DNAH14: variants seen among roughly 807,000 people sequenced by gnomAD.
DNAH14 encodes the protein axonemal beta dynein heavy chain 14.
DNAH14 carries 478 observed loss-of-function variants against 520.9 expected under a neutral mutation model. That is an observed-to-expected ratio of 0.92 (90% confidence interval 0.85 to 0.99). The LOEUF (loss-of-function observed/expected upper bound fraction) is 0.99. DNAH14 is among the 50% of genes least tolerant of loss of function. DNAH14 has a pLI of 0.00. For missense variants in DNAH14, 4,831 were observed against 5,234.5 expected (o/e 0.92, Z 2.38); for synonymous variants, 1,581 against 1,757.2 (o/e 0.90, Z 2.51).
Position 225,007,433 on chromosome 1 carries a change from T to C in DNAH14, c.996T>C (p.Tyr332=). The stretch of plus-strand genomic sequence containing the variant: ...ATTAGCTGGATAGTTCTCGAACATA[T>C]TCTCTAGATGAATTTTGTGAAGAGC... ...CLVKLDSSRT[Y]SLDEFCEEQL... The change falls in exon 10 of 86, where the codon TAT becomes TAC. Residue 332 remains tyrosine (Y), a synonymous_variant. Coordinates refer to ENST00000682510, the MANE Select transcript of DNAH14 (RefSeq NM_001367479.1). 1 of 1,538,064 alleles carries C rather than the reference T, an allele frequency of 6.5e-7. No individual in the cohort carries two copies. The highest frequency in any genetic ancestry group is 8.8e-7 in the Non-Finnish European group (1 of 1,139,354).
Position 225,080,732 on chromosome 1 carries a change from C to G in DNAH14, c.3120C>G (p.Ile1040Met). The G allele has an allele frequency of 6.6e-7, 1 of 1,521,334 alleles. No individual in the cohort carries two copies. Among genetic ancestry groups the G allele is most frequent in the Non-Finnish European group, 8.8e-7 (1 of 1,133,298 alleles). 94.2% of individuals were successfully genotyped at this position (1,521,334 alleles called of 1,614,324 possible). A position where few individuals can be genotyped will look rare whatever the true frequency, so the allele number is the denominator to read the frequency against. Reference protein sequence around the residue: ...QRNVSKLMHIISVLEKGLPKS... With the variant: ...QRNVSKLMHIMSVLEKGLPKS... Reference sequence around the variant, plus strand: ...ATGTTTCAAAACTGATGCACATAATCTCGGTACTAGAAAAAGGTAAAAATG... The same window carrying G: ...ATGTTTCAAAACTGATGCACATAATGTCGGTACTAGAAAAAGGTAAAAATG... Residue 1040 changes from isoleucine (I) to methionine (M), a missense_variant, in exon 19 of 86, where the codon ATC (isoleucine) becomes ATG (methionine). Coordinates refer to ENST00000682510, the MANE Select transcript of DNAH14 (RefSeq NM_001367479.1).
intron 79 of DNAH14, 107 bp downstream of exon 79, chr1:225,377,543 T>C: frequency 8.8e-7 from 1 of 1,132,402 alleles, no homozygotes; most frequent in African/African-American, 1.6e-5. Flanking sequence ...ACAGATTGCT[T>C]GAGCTCAGGA....
chr1:225,257,932 T>A, intron 44 of DNAH14, 28 bp from the exon 45 acceptor site: 1 of 1,518,306 alleles, frequency 6.6e-7, no homozygotes, highest in Admixed American at 2.1e-5. Context: ...CTAGGTCATT[T>A]GAAACTTTTT....
chr1:225,096,768 T>C (rs2075015628), intron 21 of DNAH14, among the ~76,000 whole-genome samples: 1 of 152,174 alleles, frequency 6.6e-6, no homozygotes, highest in Admixed American at 6.5e-5. Context: ...TGAAATAATA[T>C]GCATATCACA....
chr1:224,989,318 TTATTA>T lies in DNAH14; in HGVS notation c.831-13463_831-13459del, dbSNP rs755760689. Among the ~76,000 whole-genome samples, 11 of 152,216 alleles carry T rather than the reference TTATTA, an allele frequency of 7.2e-5. No individual in the cohort carries two copies. The East Asian group carries it at 1.5e-3, about 21-fold the overall frequency. ...TTGTTAGATTTATGTCTATTTCATT[TTATTA>T]TGAGTAATTATAAATGGGATTGAGT... On this transcript the variant is annotated intron_variant, in intron 8 of 85. Transcript: ENST00000682510.
intron 55 of DNAH14, among the ~76,000 whole-genome samples, chr1:225,296,249 G>A (rs780982284): frequency 1.3e-5 from 2 of 152,024 alleles, no homozygotes; most frequent in African/African-American, 4.8e-5. Context: ...AAATAGAGAC[G>A]AGGTCTCACT....
chr1:224,943,771 G>C (rs2125419989), intron 1 of DNAH14, among the ~76,000 whole-genome samples: 1 of 152,256 alleles, frequency 6.6e-6, no homozygotes, highest in African/African-American at 2.4e-5. Flanking sequence ...TCATTCAGGA[G>C]CAGGTTGTTC....
chr1:224,956,454 A>G (rs1057399996), intron 3 of DNAH14, among the ~76,000 whole-genome samples: 1 of 152,148 alleles, frequency 6.6e-6, no homozygotes, highest in African/African-American at 2.4e-5. Context: ...AGTTGCCAAC[A>G]GTATTCAGTA....
chr1:225,236,197 C>T (rs12063821), intron 42 of DNAH14, among the ~76,000 whole-genome samples: 1 of 152,110 alleles, frequency 6.6e-6, no homozygotes, highest in Non-Finnish European at 1.5e-5. Flanking sequence ...ACCACTTTAG[C>T]TGCATCCCAG....
chr1:225,050,482 C>A, intron 16 of DNAH14, 106 bp downstream of exon 16: 2 of 1,193,390 alleles, frequency 1.7e-6, no homozygotes, highest in East Asian at 2.9e-5. Context: ...CTATTCATAG[C>A]AATTGAAAAA....
rs2067705743 is a variant in DNAH14, at chr1:225,043,910, CT to C, written c.1842del (p.Phe614LeufsTer2). On this transcript the variant is annotated frameshift_variant, in exon 15 of 86. Coordinates refer to ENST00000682510, the MANE Select transcript of DNAH14 (RefSeq NM_001367479.1). LOFTEE classifies it high-confidence loss of function. ...YEFPEFPTNL[F>X]IDPNRLEFSV... ...GATTTCCAGAATTTCCTACAAATCT[CT>C]TTATAGATCCCAACAGATTGGAGTT... The C allele has an allele frequency of 6.5e-7, 1 of 1,527,404 alleles. No individual in the cohort carries two copies. Among genetic ancestry groups the C allele is most frequent in the African/African-American group, 1.4e-5 (1 of 72,156 alleles). 94.6% of individuals were successfully genotyped at this position (1,527,404 alleles called of 1,614,324 possible).
intron 8 of DNAH14, among the ~76,000 whole-genome samples, chr1:224,994,847 G>A (rs1443114278): frequency 1.3e-5 from 2 of 151,830 alleles, no homozygotes; most frequent in Non-Finnish European, 2.9e-5. Flanking sequence ...TTTTTGCTTT[G>A]TGGTTACCAT....
At chr1:225,344,016 A>G (rs966081701) in intron 69 of DNAH14, among the ~76,000 whole-genome samples, 6 of 152,206 alleles carry the variant, frequency 3.9e-5, no homozygotes, top group African/African-American at 1.4e-4. Flanking sequence ...AACACACATT[A>G]GGGCACTATA....
Position 225,206,984 on chromosome 1 carries a change from G to T in DNAH14, c.6203G>T (p.Gly2068Val), listed in dbSNP as rs770736887. 168 of 1,514,554 alleles carry T rather than the reference G, an allele frequency of 1.1e-4. No homozygotes were observed. Among genetic ancestry groups the T allele is most frequent in the Middle Eastern group, 1.7e-4 (1 of 5,732 alleles). The allele number at this position is 1,514,554 out of a possible 1,614,324, so 93.8% of individuals were successfully genotyped here. ...AMVYMDPVDLGWEPYVKSWLL... is the reference protein window; with the variant it reads ...AMVYMDPVDLVWEPYVKSWLL... ...TATTATTAGGATCCTGTTGATCTGG[G>T]ATGGGAACCTTATGTTAAGTCATGG... The change falls in exon 41 of 86, where the codon GGA (glycine) becomes GTA (valine). Residue 2068 changes from glycine to valine, a missense_variant. Gly to Val is a moderately radical substitution (Grantham distance 109, BLOSUM62 -3). Coordinates refer to ENST00000682510, the MANE Select transcript of DNAH14 (RefSeq NM_001367479.1).
chr1:225,348,338 A>T (rs1310124673), intron 71 of DNAH14, among the ~76,000 whole-genome samples: 3 of 152,176 alleles, frequency 2.0e-5, no homozygotes, highest in Non-Finnish European at 4.4e-5. Context: ...AATACTTCCC[A>T]AATCTAAGGA....
chr1:225,292,332 T>C (rs532097170), intron 55 of DNAH14, among the ~76,000 whole-genome samples: 1 of 152,224 alleles, frequency 6.6e-6, no homozygotes, highest in South Asian at 2.1e-4. Context: ...TATTCAACTT[T>C]CCCAGCACCA....
At chr1:225,046,309 A>C (rs924381250) in intron 15 of DNAH14, among the ~76,000 whole-genome samples, 1 of 152,118 alleles carries the variant, frequency 6.6e-6, no homozygotes, top group African/African-American at 2.4e-5. Flanking sequence ...TATCATAGAC[A>C]TTACAAAGGT....
rs973084051 is a variant in DNAH14 at position 225,145,396 on chromosome 1, T to C, written c.4794+17T>C. On this transcript the variant is annotated intron_variant, in intron 30 of 85. Coordinates refer to ENST00000682510, the MANE Select transcript of DNAH14 (RefSeq NM_001367479.1). ...GATTATAAGGTAAACCTTAAACATA[T>C]GTGTCAGGAAGAAATATTGTACACA... 1.4e-5 allele frequency: 21 copies of C among 1,528,456 alleles called. No individual in the cohort carries two copies. The highest frequency in any genetic ancestry group is 1.7e-5 in the Non-Finnish European group (19 of 1,134,262). 94.7% of individuals were successfully genotyped at this position (1,528,456 alleles called of 1,614,324 possible).
Position 225,123,579 on chromosome 1 carries a change from G to A in DNAH14, c.4219G>A (p.Val1407Met), listed in dbSNP as rs780459670. The change falls in exon 27 of 86, where the codon GTG becomes ATG. Residue 1407 changes from valine (V) to methionine (M), a missense_variant. Val to Met is a conservative substitution (Grantham distance 21). Coordinates refer to ENST00000682510, the MANE Select transcript of DNAH14 (RefSeq NM_001367479.1). ...DWNCQMFSQWVLSHPGQVVLT... is the reference protein window; with the variant it reads ...DWNCQMFSQWMLSHPGQVVLT... ...GAACTGCCAGATGTTTTCCCAATGG[G>A]TGTTATCTCATCCAGGACAAGTGGT... 14 of 434,228 alleles carry A rather than the reference G, an allele frequency of 3.2e-5. No individual in the cohort carries two copies. Among genetic ancestry groups the A allele is most frequent in the South Asian group, 2.5e-4 (14 of 55,336 alleles). The allele number at this position is 434,228 out of a possible 1,614,324, so 26.9% of individuals were successfully genotyped here. A position where few individuals can be genotyped will look rare whatever the true frequency, so the allele number is the denominator to read the frequency against.
Sources: allele counts gnomAD v4.1 joint callset (sites outside exome capture counted in the v4.1 genomes callset), GRCh38; gene constraint gnomAD v4.1.1; transcripts MANE v1.5; gene names NCBI Gene and HGNC (gene_info 2026-07-23, HGNC 2026-07-21).